The following NUAK1 variants were observed in gnomAD, a reference collection of about 807,000 sequenced individuals.
The protein encoded by NUAK1 is NUAK family SNF1-like kinase 1.
In NUAK1, 26 loss-of-function variants were observed where a neutral mutation model predicts 56.9. The ratio of observed to expected loss-of-function variants is 0.46; its 90% CI spans 0.33 to 0.63. The LOEUF (loss-of-function observed/expected upper bound fraction) is 0.63. Among genes scored for constraint, NUAK1 ranks in the 30% least tolerant of loss-of-function variants. The pLI, the probability that NUAK1 is intolerant of heterozygous loss-of-function variation, is 0.02. For missense variants in NUAK1, 727 were observed against 876.1 expected, an observed-to-expected ratio of 0.83 and a Z score of 2.15; for synonymous variants, 337 against 336.0, an observed-to-expected ratio of 1.00 and a Z score of -0.03.
intron 6 of NUAK1, 145 bp from the exon 7 acceptor site, chr12:106,068,100 A>G: frequency 1.4e-6 from 1 of 720,352 alleles, no homozygotes; most frequent in East Asian, 2.7e-5. Context: ...ATTATGGAGC[A>G]GGAAGCCCCA....
intron 2 of NUAK1, among the ~76,000 whole-genome samples, chr12:106,093,851 T>G (rs376401826): frequency 6.6e-6 from 1 of 152,126 alleles, no homozygotes; most frequent in Non-Finnish European, 1.5e-5. Flanking sequence ...CAGGTGGGAG[T>G]GCAGTGGCAA....
chr12:106,120,083 T>A (rs1340312743), intron 1 of NUAK1, among the ~76,000 whole-genome samples: 1 of 152,200 alleles, frequency 6.6e-6, no homozygotes, highest in Admixed American at 6.5e-5. Context: ...CTGAGGCTCA[T>A]GGCAGGCTGA....
chr12:106,068,950 G>A (rs969055236), intron 6 of NUAK1, among the ~76,000 whole-genome samples: 7 of 152,150 alleles, frequency 4.6e-5, no homozygotes, highest in African/African-American at 1.4e-4. Context: ...TTTCTTGAAC[G>A]CCTACAATGT....
rs1441056796 is a variant in NUAK1 at position 106,066,874 on chromosome 12, G to C, written c.1914C>G (p.Ser638=). 2 of 1,614,122 alleles carry C rather than the reference G, an allele frequency of 1.2e-6. No homozygotes were observed. The highest frequency in any genetic ancestry group is 4.5e-5 in the East Asian group (2 of 44,894). The change falls in exon 7 of 7, where the codon TCC becomes TCG. Residue 638 remains serine (S), a synonymous_variant. Coordinates refer to ENST00000261402, the MANE Select transcript of NUAK1 (RefSeq NM_014840.3). ...TCACATCATCCATGTCTGTGAGGAG[G>C]GAGAAGCTGCTGTCTGCCAGCCGGT... ...YRNRLADSSF[S]LLTDMDDVTQ...
chr12:106,136,517 G>A (rs1197136296), intron 1 of NUAK1, among the ~76,000 whole-genome samples: 1 of 152,178 alleles, frequency 6.6e-6, no homozygotes, highest in African/African-American at 2.4e-5. Flanking sequence ...GCTCAAGAAC[G>A]CCTGACAGGA....
chr12:106,112,831 G>A (rs1053428197), intron 1 of NUAK1, among the ~76,000 whole-genome samples: 26 of 152,368 alleles, frequency 1.7e-4, no homozygotes, highest in African/African-American at 5.5e-4. Flanking sequence ...TTCCTTCAAA[G>A]AGTGGCATCC....
intron 2 of NUAK1, among the ~76,000 whole-genome samples, chr12:106,089,809 C>T (rs535195373): frequency 1.3e-5 from 2 of 152,170 alleles, no homozygotes; most frequent in Non-Finnish European, 2.9e-5. Flanking sequence ...TAAAATATAT[C>T]GCAGATCTGT....
chr12:106,073,413 T>G (rs1359345452), intron 4 of NUAK1, among the ~76,000 whole-genome samples: 4 of 152,184 alleles, frequency 2.6e-5, no homozygotes, highest in Admixed American at 6.5e-5. Flanking sequence ...CTCACAGCAT[T>G]GGGTTTTGAG....
chr12:106,110,596 C>T (rs1275988476), intron 1 of NUAK1, among the ~76,000 whole-genome samples: 1 of 152,108 alleles, frequency 6.6e-6, no homozygotes, highest in African/African-American at 2.4e-5. Flanking sequence ...AATCACACAC[C>T]CTCCACCCCT....
intron 2 of NUAK1, among the ~76,000 whole-genome samples, chr12:106,098,160 A>T (rs928382060): frequency 6.6e-6 from 1 of 152,176 alleles, no homozygotes; most frequent in East Asian, 1.9e-4. Flanking sequence ...ATCTCCTCCC[A>T]GAAAGACCTA....
rs150956938 is a variant in NUAK1, at chr12:106,107,526, C to T, written c.241-1001G>A. On this transcript the variant is annotated intron_variant, in intron 1 of 6. Coordinates refer to ENST00000261402, the MANE Select transcript of NUAK1 (RefSeq NM_014840.3). ...GGCTGGTCCTCTTGTGACCTCAACT[C>T]TCACCTGTGGAGGTCAGGTAAACTT... is the stretch of plus-strand genomic sequence containing the variant. Among the ~76,000 whole-genome samples the T allele has an allele frequency of 4.5e-3, 687 of 152,316 alleles. 1 individual carries two copies. Among genetic ancestry groups the T allele is most frequent in the Non-Finnish European group, 6.7e-3 (454 of 68,028 alleles).
intron 3 of NUAK1, among the ~76,000 whole-genome samples, chr12:106,086,022 G>A (rs145747024): frequency 1.9e-4 from 29 of 152,166 alleles, no homozygotes; most frequent in Non-Finnish European, 3.5e-4. Flanking sequence ...GAGCACATCC[G>A]TGCATGTAGG....
In NUAK1 at chr12:106,138,785, C is replaced by T. The variant is rs2033156114; in HGVS notation, c.-132G>A. ...CAGCATCAGGGAGGCGGCCCGATACCGCTCGGACTGCGGCTCGGTCACTGG... is the reference window on the plus strand; with the variant it reads ...CAGCATCAGGGAGGCGGCCCGATACTGCTCGGACTGCGGCTCGGTCACTGG... On this transcript the variant is annotated 5_prime_UTR_variant, in exon 1 of 7. Transcript: ENST00000261402. The surrounding 1 kb of genome is among the most constrained non-coding windows in gnomAD (Gnocchi z 5.0). 1 of 1,240,238 alleles carries T rather than the reference C, an allele frequency of 8.1e-7. No individual in the cohort carries two copies. The highest frequency in any genetic ancestry group is 1.9e-5 in the South Asian group (1 of 53,368). The allele number at this position is 1,240,238 out of a possible 1,614,324, so 76.8% of individuals were successfully genotyped here. A position where few individuals can be genotyped will look rare whatever the true frequency, so the allele number is the denominator to read the frequency against.
At chr12:106,107,209 A>G (rs1422435389) in intron 1 of NUAK1, among the ~76,000 whole-genome samples, 1 of 152,240 alleles carries the variant, frequency 6.6e-6, no homozygotes, top group African/African-American at 2.4e-5. Context: ...CCCAAAGCTC[A>G]GTGCCAATGT....
chr12:106,123,729 G>A (rs886915957), intron 1 of NUAK1, among the ~76,000 whole-genome samples: 8 of 152,132 alleles, frequency 5.3e-5, no homozygotes, highest in South Asian at 2.1e-4. Flanking sequence ...TATGCAGCCC[G>A]GCCAAGCCCC....
At chr12:106,072,271 T>G (rs935294942) in intron 5 of NUAK1, among the ~76,000 whole-genome samples, 1 of 152,202 alleles carries the variant, frequency 6.6e-6, no homozygotes, top group Non-Finnish European at 1.5e-5. Flanking sequence ...CTAAATAAAT[T>G]TTGGTATATT....
At chr12:106,092,989 A>G (rs2032651684) in intron 2 of NUAK1, among the ~76,000 whole-genome samples, 1 of 152,190 alleles carries the variant, frequency 6.6e-6, no homozygotes, top group African/African-American at 2.4e-5. Context: ...GTACATGTTA[A>G]AGGGAATACA....
chr12:106,069,119 C>A (rs535308860), intron 6 of NUAK1, among the ~76,000 whole-genome samples: 3 of 152,216 alleles, frequency 2.0e-5, no homozygotes, highest in African/African-American at 4.8e-5. Flanking sequence ...AACCGTCTAG[C>A]CTGATTATCC....
rs1652970526 is a variant in NUAK1, at chr12:106,067,056, GC to G, written c.1731del (p.Leu578CysfsTer48). The stretch of plus-strand genomic sequence containing the variant: ...AGCAAGTCAAAAGAGTCGCTGGACA[GC>G]ACGCTGTCATCGCTGATGACACTGG... Reference protein sequence around the residue: ...RPSSVISDDSVLSSDSFDLLD... With the variant: ...RPSSVISDDSXLSSDSFDLLD... On this transcript the variant is annotated frameshift_variant, in exon 7 of 7. Coordinates refer to ENST00000261402, the MANE Select transcript of NUAK1 (RefSeq NM_014840.3). LOFTEE classifies it high-confidence loss of function. This position sits in a 1 kb window ranked among gnomAD's most constrained non-coding sequence, Gnocchi z 6.0. 1 of 1,614,250 alleles carries G rather than the reference GC, an allele frequency of 6.2e-7. No homozygotes were observed. Among genetic ancestry groups the G allele is most frequent in the Non-Finnish European group, 8.5e-7 (1 of 1,180,044 alleles).
Sources: gnomAD v4.1 joint callset for allele counts (sites outside exome capture counted in the v4.1 genomes callset) on GRCh38, gnomAD v4.1.1 for gene constraint, Gnocchi (gnomAD v3.1) non-coding constraint, MANE v1.5 for transcripts, NCBI Gene and HGNC (gene_info 2026-07-23, HGNC 2026-07-21) for gene names.